Variants in SLC12A8 observed in about 807,000 individuals in gnomAD.
SLC12A8 encodes solute carrier family 12 member 8, also known as cation-chloride cotransporter 9.
Under a neutral mutation model 75.6 loss-of-function variants are expected in SLC12A8, and 69 were observed. The observed-to-expected ratio is 0.91, with a 90% CI of 0.75 to 1.11. The LOEUF (loss-of-function observed/expected upper bound fraction) is 1.11. SLC12A8 is among the 50% of genes most tolerant of loss of function. The probability of loss-of-function intolerance (pLI) is 0.00; values close to 1 mark genes in which losing one functional copy is unlikely to be tolerated. For synonymous variants in SLC12A8, 365 were observed against 372.8 expected (o/e 0.98, Z 0.24); for missense variants, 877 against 896.7 (o/e 0.98, Z 0.28).
chr3:125,179,284 G>A (rs75912674), intron 4 of SLC12A8, among the ~76,000 whole-genome samples: 116 of 152,076 alleles, frequency 7.6e-4, no homozygotes, highest in African/African-American at 2.7e-3. Flanking sequence ...TGTCATGAAC[G>A]TAAGTTTGTC....
chr3:125,155,621 A>ATTAGTCGGGTGTG (rs578023995), intron 5 of SLC12A8, among the ~76,000 whole-genome samples: 1 of 120,710 alleles, frequency 8.3e-6, no homozygotes, highest in African/African-American at 3.0e-5. Flanking sequence ...AATACAAAAA[A>ATTAGTCGGGTGTG]GTAGCTGTAG....
chr3:125,083,826 G>A lies in SLC12A8; in HGVS notation c.*64C>T, dbSNP rs1938389118. On this transcript the variant is annotated 3_prime_UTR_variant, in exon 14 of 14. Coordinates refer to ENST00000469902, the MANE Select transcript of SLC12A8 (RefSeq NM_024628.6). Reference sequence around the variant, plus strand: ...CAGGTTGGAGAAGCAGCTCCACGAAGGTCCTGAGCTTGGGTCCACTGTACA... The same window carrying A: ...CAGGTTGGAGAAGCAGCTCCACGAAAGTCCTGAGCTTGGGTCCACTGTACA... 13 of 1,507,088 alleles carry A rather than the reference G, an allele frequency of 8.6e-6. No homozygotes were observed. The highest frequency in any genetic ancestry group is 1.1e-5 in the Non-Finnish European group (12 of 1,108,562). The allele number at this position is 1,507,088 out of a possible 1,614,324, so 93.4% of individuals were successfully genotyped here.
intron 8 of SLC12A8, 82 bp from the exon 9 acceptor site, chr3:125,110,417 C>T: frequency 7.8e-6 from 11 of 1,403,506 alleles, no homozygotes; most frequent in East Asian, 2.3e-5. Context: ...CCCACCTGCA[C>T]CCCATGCAAT....
chr3:125,187,404 T>C lies in SLC12A8; in HGVS notation c.223A>G (p.Met75Val), dbSNP rs201389696. The change falls in exon 4 of 14, where the codon ATG becomes GTG. Residue 75 changes from methionine (M) to valine (V), a missense_variant. By Grantham distance (21) the Met-to-Val change is conservative (BLOSUM62 1). Coordinates refer to ENST00000469902, the MANE Select transcript of SLC12A8 (RefSeq NM_024628.6). ...AGGATGACGAAGGACACCAGGAACA[T>C]GCCCAGGAGCACTCCTGTGTTTCCC... ...LVGNTGVLLG[M>V]FLVSFVILVA... 1.9e-6 allele frequency: 3 copies of C among 1,614,096 alleles called. No homozygotes were observed. The highest frequency in any genetic ancestry group is 2.2e-5 in the East Asian group (1 of 44,870).
At chr3:125,118,018 C>T (rs527825713) in intron 8 of SLC12A8, among the ~76,000 whole-genome samples, 3 of 152,272 alleles carry the variant, frequency 2.0e-5, no homozygotes, top group Non-Finnish European at 2.9e-5. Flanking sequence ...GGGCTTCCGC[C>T]CGCTCCCTCC....
intron 2 of SLC12A8, among the ~76,000 whole-genome samples, chr3:125,205,165 G>A (rs1450864743): frequency 2.0e-5 from 3 of 152,162 alleles, no homozygotes; most frequent in Non-Finnish European, 4.4e-5. Context: ...ACCGTGCCCT[G>A]CCTTTCCTCT....
At chr3:125,165,044 C>G (rs554514680) in intron 5 of SLC12A8, among the ~76,000 whole-genome samples, 5 of 152,350 alleles carry the variant, frequency 3.3e-5, no homozygotes, top group Admixed American at 2.6e-4. Flanking sequence ...AGACTGAGGC[C>G]TGGGCTTTGA....
chr3:125,164,660 G>A (rs890314236), intron 5 of SLC12A8, among the ~76,000 whole-genome samples: 3 of 152,258 alleles, frequency 2.0e-5, no homozygotes, highest in African/African-American at 7.2e-5. Context: ...CGGCCTGAGC[G>A]CTGAGGTACT....
At chr3:125,211,009 C>T (rs959680449) in intron 2 of SLC12A8, among the ~76,000 whole-genome samples, 1 of 84,040 alleles carries the variant, frequency 1.2e-5, no homozygotes, top group Non-Finnish European at 2.0e-5. Context: ...TATCTGAGTC[C>T]TCACTGTGAC....
At chr3:125,115,760 C>T (rs527245676) in intron 8 of SLC12A8, among the ~76,000 whole-genome samples, 38 of 151,752 alleles carry the variant, frequency 2.5e-4, no homozygotes, top group African/African-American at 7.7e-4. Flanking sequence ...TGCTTGTGAA[C>T]GAGCGCCAAG....
At chr3:125,128,438 C>A (rs1339158577) in intron 6 of SLC12A8, among the ~76,000 whole-genome samples, 1 of 149,912 alleles carries the variant, frequency 6.7e-6, no homozygotes, top group Non-Finnish European at 1.5e-5. Flanking sequence ...CCTCGGCCTC[C>A]CAAAGTGCTG....
chr3:125,152,351 G>A lies in SLC12A8; in HGVS notation c.623-16569C>T, dbSNP rs183470352. Among the ~76,000 whole-genome samples, 600 of 152,308 alleles carry A rather than the reference G, an allele frequency of 3.9e-3. 3 individuals carry two copies. Among genetic ancestry groups the A allele is most frequent in the African/African-American group, 0.013 (546 of 41,568 alleles). On this transcript the variant is annotated intron_variant, in intron 5 of 13. Coordinates refer to ENST00000469902, the MANE Select transcript of SLC12A8 (RefSeq NM_024628.6). ...CTCATACCACGATCACCTCTGGTACGTGTGAGTTTAAAATGGTGCTCATTC... is the reference window on the plus strand; with the variant it reads ...CTCATACCACGATCACCTCTGGTACATGTGAGTTTAAAATGGTGCTCATTC...
In SLC12A8 at chr3:125,135,868, C is replaced by T. The variant is rs890931090; in HGVS notation, c.623-86G>A. ...TAGATTATGGTACTATTTCATATAT[C>T]GCTTTAAATATTGGAAAGGTAGGGG... On this transcript the variant is annotated intron_variant, in intron 5 of 13. Coordinates refer to ENST00000469902, the MANE Select transcript of SLC12A8 (RefSeq NM_024628.6). The T allele has an allele frequency of 1.5e-5, 11 of 737,586 alleles. No individual in the cohort carries two copies. The African/African-American group carries it at 1.6e-4, about 11-fold the overall frequency. The allele number at this position is 737,586 out of a possible 1,614,324, so 45.7% of individuals were successfully genotyped here. A position where few individuals can be genotyped will look rare whatever the true frequency, so the allele number is the denominator to read the frequency against.
At chr3:125,202,630 GTTTTT>G (rs543411392) in intron 2 of SLC12A8, among the ~76,000 whole-genome samples, 16,032 of 147,544 alleles carry the variant, frequency 0.11, 998 homozygotes, top group South Asian at 0.2. Context: ...TATTAACCAT[GTTTTT>G]TTTTTTTTTT....
chr3:125,102,264 A>G (rs1263621805), intron 10 of SLC12A8, among the ~76,000 whole-genome samples: 1 of 152,168 alleles, frequency 6.6e-6, no homozygotes, highest in East Asian at 1.9e-4. Flanking sequence ...GAGGAGGCAG[A>G]ACAGGGTGTA....
intron 5 of SLC12A8, among the ~76,000 whole-genome samples, chr3:125,147,232 G>C (rs192586524): frequency 9.0e-4 from 137 of 152,338 alleles, no homozygotes; most frequent in African/African-American, 3.1e-3. Flanking sequence ...CCTGGGAGCA[G>C]CATTTAACCT....
At chr3:125,090,848 G>A (rs1209622681) in intron 12 of SLC12A8, among the ~76,000 whole-genome samples, 1 of 151,932 alleles carries the variant, frequency 6.6e-6, no homozygotes, top group Non-Finnish European at 1.5e-5. Context: ...CATATAGTTG[G>A]GTCATGCTTT....
intron 5 of SLC12A8, among the ~76,000 whole-genome samples, chr3:125,163,909 G>A (rs763487656): frequency 2.0e-5 from 3 of 152,214 alleles, no homozygotes; most frequent in African/African-American, 4.8e-5. Flanking sequence ...AGCTGGGAGC[G>A]CCCCTGCCTG....
rs1393777785 is a variant in SLC12A8 at position 125,083,195 on chromosome 3, T to C, written c.*695A>G. 1 of 152,192 alleles carries C rather than the reference T, an allele frequency of 6.6e-6. No homozygotes were observed. Among genetic ancestry groups the C allele is most frequent in the Non-Finnish European group, 1.5e-5 (1 of 68,026 alleles). The allele number at this position is 152,192 out of a possible 1,614,324, so 9.4% of individuals were successfully genotyped here. ...TGTGAGTGTATTATTTATTTTTGAA[T>C]AAATAATACAATAAAATATAAAACA... On this transcript the variant is annotated 3_prime_UTR_variant, in exon 14 of 14. Transcript: ENST00000469902.
Sources: allele counts gnomAD v4.1 joint callset (sites outside exome capture counted in the v4.1 genomes callset), GRCh38; gene constraint gnomAD v4.1.1; transcripts MANE v1.5; gene names NCBI Gene and HGNC (gene_info 2026-07-23, HGNC 2026-07-21).